Variants in ZNF251 observed in about 807,000 individuals in gnomAD.
ZNF251 encodes zinc finger protein 251.
ZNF251 carries 14 observed loss-of-function variants against 13.5 expected under a neutral mutation model. The observed-to-expected ratio is 1.04, with a 90% CI of 0.69 to 1.63. The LOEUF (loss-of-function observed/expected upper bound fraction) is 1.63, where lower values mean the gene tolerates loss of function less well. ZNF251 is among the 40% of genes most tolerant of loss of function. The pLI, the probability that ZNF251 is intolerant of heterozygous loss-of-function variation, is 0.00. For synonymous variants in ZNF251, 287 were observed against 295.2 expected (o/e 0.97, Z 0.28); for missense variants, 764 against 834.9 (o/e 0.92, Z 1.05).
chr8:144,733,850 A>G (rs910597225), intron 4 of ZNF251, among the ~76,000 whole-genome samples: 3 of 152,202 alleles, frequency 2.0e-5, no homozygotes, highest in Admixed American at 6.5e-5. Flanking sequence ...AAAAAAAGAA[A>G]AAACCCTGGA....
rs866309592 is a variant in ZNF251, at chr8:144,736,512, A to G, written c.278-13130T>C. 2.1e-5 allele frequency among the ~76,000 whole-genome samples: 3 copies of G among 146,086 alleles called. No individual in the cohort carries two copies. The Admixed American group carries it at 2.1e-4, about 10-fold the overall frequency. On this transcript the variant is annotated intron_variant, in intron 4 of 4. Coordinates refer to ENST00000292562, the MANE Select transcript of ZNF251 (RefSeq NM_138367.2). ...ATTTATTTATTTATTTATTTTTGAG[A>G]CAGAGTTTCGCTCTTGTTGCCCAGG...
chr8:144,732,689 A>G (rs1246560904), intron 4 of ZNF251, among the ~76,000 whole-genome samples: 72 of 151,980 alleles, frequency 4.7e-4, no homozygotes, highest in South Asian at 1.2e-3. Context: ...GCAGGCACTT[A>G]TAGTCCCAGC....
Position 144,723,326 on chromosome 8 carries a change from C to T in ZNF251, c.334G>A (p.Glu112Lys), listed in dbSNP as rs2129922297. The change falls in exon 5 of 5, where the codon GAA (glutamate) becomes AAA (lysine). Residue 112 changes from glutamate (E) to lysine (K), a missense_variant. Transcript: ENST00000292562. Reference protein sequence around the residue: ...LSILNQKFSEEVKTPEFVSRR... With the variant: ...LSILNQKFSEKVKTPEFVSRR... The stretch of plus-strand genomic sequence containing the variant: ...GATACAAATTCTGGGGTTTTTACTT[C>T]TTCGGAAAATTTTTGGTTTAAAATA... 6.5e-7 allele frequency: 1 copy of T among 1,544,970 alleles called. No individual in the cohort carries two copies.
Position 144,721,964 on chromosome 8 carries a change from A to G in ZNF251, c.1696T>C (p.Phe566Leu), listed in dbSNP as rs1586676953. ...GCTTTTCCATATTCATTACATCCAA[A>G]GGATTTCTCACCAGTGTGAACTGTC... ...RWTVHTGEKS[F>L]GCNEYGKAFS... Residue 566 changes from phenylalanine to leucine, a missense_variant, in exon 5 of 5, where the codon TTT becomes CTT. Transcript: ENST00000292562. 2 of 1,528,740 alleles carry G rather than the reference A, an allele frequency of 1.3e-6. No individual in the cohort carries two copies. Among genetic ancestry groups the G allele is most frequent in the Non-Finnish European group, 1.8e-6 (2 of 1,138,026 alleles). 94.7% of individuals were successfully genotyped at this position (1,528,740 alleles called of 1,614,324 possible). A position where few individuals can be genotyped will look rare whatever the true frequency, so the allele number is the denominator to read the frequency against.
chr8:144,743,102 C>T (rs958798482), intron 4 of ZNF251, among the ~76,000 whole-genome samples: 6 of 152,156 alleles, frequency 3.9e-5, no homozygotes, highest in African/African-American at 1.4e-4. Context: ...TTCACTGTTT[C>T]GCCCAGGCTG....
At position 144,722,860 on chromosome 8, in the gene ZNF251, C is replaced by A; in HGVS notation, c.800G>T (p.Cys267Phe). The A allele has an allele frequency of 6.2e-7, 1 of 1,614,022 alleles. No individual in the cohort carries two copies. Among genetic ancestry groups the A allele is most frequent in the Non-Finnish European group, 8.5e-7 (1 of 1,179,896 alleles). Residue 267 changes from cysteine (C) to phenylalanine (F), a missense_variant, in exon 5 of 5, where the codon TGT (cysteine) becomes TTT (phenylalanine). Physicochemically the swap from Cys to Phe is radical, Grantham distance 205 (BLOSUM62 -2). Transcript: ENST00000292562. The surrounding 1 kb of genome is among the most constrained non-coding windows in gnomAD (Gnocchi z 4.8). The part of the protein sequence containing the change: ...HIHTGNKPFK[C>F]DECGKTFGLN... ...TCCAAAAGTTTTCCCACATTCATCA[C>A]ATTTAAATGGTTTATTTCCAGTGTG...
intron 4 of ZNF251, among the ~76,000 whole-genome samples, chr8:144,745,250 G>T (rs1342740139): frequency 2.9e-5 from 4 of 138,500 alleles, no homozygotes; most frequent in Non-Finnish European, 6.1e-5. Context: ...TTCTTGAAAA[G>T]ATCATCCTTT....
intron 4 of ZNF251, among the ~76,000 whole-genome samples, chr8:144,729,363 G>A (rs1453022930): frequency 6.8e-6 from 1 of 147,910 alleles, no homozygotes; most frequent in Non-Finnish European, 1.5e-5. Flanking sequence ...GTGAGATAGA[G>A]TCTTGCTCTG....
chr8:144,729,188 A>C (rs1478351189), intron 4 of ZNF251, among the ~76,000 whole-genome samples: 2 of 151,954 alleles, frequency 1.3e-5, no homozygotes, highest in Non-Finnish European at 2.9e-5. Context: ...GTTAAAATTT[A>C]AAAATACGAG....
Position 144,721,831 on chromosome 8 carries a change from A to T in ZNF251, c.1829T>A (p.Ile610Asn). ...ACCAGTGTGAGTTACCTGATGTTGA[A>T]TAAGGGTTGACTTTCCACTGAAGGC... ...GNAFSGKSTLIQHQVTHTGQK... is the reference protein window; with the variant it reads ...GNAFSGKSTLNQHQVTHTGQK... Residue 610 changes from isoleucine (I) to asparagine (N), a missense_variant, in exon 5 of 5, where the codon ATT (isoleucine) becomes AAT (asparagine). Ile to Asn is a moderately radical substitution (Grantham distance 149, BLOSUM62 -3). Coordinates refer to ENST00000292562, the MANE Select transcript of ZNF251 (RefSeq NM_138367.2). 6.7e-7 allele frequency: 1 copy of T among 1,495,954 alleles called. No individual in the cohort carries two copies. Among genetic ancestry groups the T allele is most frequent in the Non-Finnish European group, 8.9e-7 (1 of 1,122,854 alleles). 92.7% of individuals were successfully genotyped at this position (1,495,954 alleles called of 1,614,324 possible). A position where few individuals can be genotyped will look rare whatever the true frequency, so the allele number is the denominator to read the frequency against.
chr8:144,733,826 CA>C (rs909851202), intron 4 of ZNF251, among the ~76,000 whole-genome samples: 10 of 151,846 alleles, frequency 6.6e-5, no homozygotes, highest in Non-Finnish European at 1.5e-4. Context: ...TCAAGAGAAA[CA>C]AAAGGAAAAA....
At chr8:144,744,866 G>A (rs929849801) in intron 4 of ZNF251, among the ~76,000 whole-genome samples, 1 of 152,194 alleles carries the variant, frequency 6.6e-6, no homozygotes, top group Non-Finnish European at 1.5e-5. Context: ...GACCAGCATG[G>A]CCAACATGGC....
At chr8:144,746,010 A>G (rs1824412365) in intron 4 of ZNF251, among the ~76,000 whole-genome samples, 1 of 152,188 alleles carries the variant, frequency 6.6e-6, no homozygotes, top group Non-Finnish European at 1.5e-5. Context: ...GATTTTGTAC[A>G]TATTTTGTTA....
chr8:144,755,459 G>A lies in ZNF251; in HGVS notation c.-130C>T. The A allele has an allele frequency of 7.8e-7, 1 of 1,287,718 alleles. No homozygotes were observed. Among genetic ancestry groups the A allele is most frequent in the Non-Finnish European group, 1.0e-6 (1 of 988,758 alleles). The allele number at this position is 1,287,718 out of a possible 1,614,324, so 79.8% of individuals were successfully genotyped here. On this transcript the variant is annotated 5_prime_UTR_variant, in exon 1 of 5. Coordinates refer to ENST00000292562, the MANE Select transcript of ZNF251 (RefSeq NM_138367.2). ...GGAAGCGCCGAGGAGCTGCGCAGTC[G>A]CACCGAGCCCGGAACGGACCCTCCC...
intron 4 of ZNF251, among the ~76,000 whole-genome samples, chr8:144,745,757 T>C (rs1563768049): frequency 1.3e-5 from 2 of 152,122 alleles, no homozygotes; most frequent in Non-Finnish European, 2.9e-5. Context: ...CTATGTTGCC[T>C]AGGCTGGTCT....
At chr8:144,735,381 CAAAAA>C (rs145271344) in intron 4 of ZNF251, among the ~76,000 whole-genome samples, 4 of 94,610 alleles carry the variant, frequency 4.2e-5, no homozygotes, top group African/African-American at 4.1e-5. Context: ...GACTCCGTCT[CAAAAA>C]AAAAAAAAAA....
At position 144,738,285 on chromosome 8, in the gene ZNF251, C is replaced by A. The variant is rs528604919; in HGVS notation, c.278-14903G>T. Among the ~76,000 whole-genome samples, 18 of 152,284 alleles carry A rather than the reference C, an allele frequency of 1.2e-4. No individual in the cohort carries two copies. The East Asian group carries it at 2.9e-3, about 25-fold the overall frequency. ...CCCATGGGGTTCTGAACTCAACAAG[C>A]CCCAAAGAGCAGCTCAATATGCCCC... On this transcript the variant is annotated intron_variant, in intron 4 of 4. Coordinates refer to ENST00000292562, the MANE Select transcript of ZNF251 (RefSeq NM_138367.2).
chr8:144,752,359 C>G (rs1824738284), intron 4 of ZNF251, among the ~76,000 whole-genome samples: 1 of 152,100 alleles, frequency 6.6e-6, no homozygotes. Flanking sequence ...TCTCTGACCA[C>G]AGTGGAATTA....
At chr8:144,731,710 C>T (rs1823699541) in intron 4 of ZNF251, among the ~76,000 whole-genome samples, 2 of 152,130 alleles carry the variant, frequency 1.3e-5, no homozygotes, top group Admixed American at 6.5e-5. Context: ...CCTCAGCCTC[C>T]TGAGGAGCTG....
Sources: allele counts gnomAD v4.1 joint callset (sites outside exome capture counted in the v4.1 genomes callset), GRCh38; gene constraint gnomAD v4.1.1; non-coding constraint Gnocchi (gnomAD v3.1); transcripts MANE v1.5; gene names NCBI Gene and HGNC (gene_info 2026-07-23, HGNC 2026-07-21).